TUBB3: variants seen among roughly 807,000 people sequenced by gnomAD.
The protein encoded by TUBB3 is tubulin beta-3 chain.
A neutral mutation model predicts 37.8 loss-of-function variants in TUBB3; 17 were observed. That is an observed-to-expected ratio of 0.45 (90% CI 0.31 to 0.67). The LOEUF (loss-of-function observed/expected upper bound fraction) is 0.67, where lower values mean the gene tolerates loss of function less well. TUBB3 is among the 30% of genes least tolerant of loss of function. The pLI is 0.07. For synonymous variants in TUBB3, 332 were observed against 278.9 expected (o/e 1.19, Z -1.90); for missense variants, 262 against 657.9 (o/e 0.40, Z 6.58).
chr16:89,924,621 G>A, intron 1 of TUBB3, among the ~76,000 whole-genome samples: 1 of 152,090 alleles, frequency 6.6e-6, no homozygotes, highest in East Asian at 1.9e-4. Flanking sequence ...TGGAAACCAG[G>A]CAGGAACAAA....
chr16:89,933,780 C>T (rs1408813341), intron 3 of TUBB3: 5 of 704,940 alleles, frequency 7.1e-6, no homozygotes, highest in Non-Finnish European at 5.2e-6. Flanking sequence ...ACCACTCATG[C>T]ATTTCAAGTG....
At chr16:89,932,709 A>G (rs1215153743) in intron 2 of TUBB3, 30 bp downstream of exon 2, 1 of 1,570,970 alleles carries the variant, frequency 6.4e-7, no homozygotes, top group African/African-American at 1.4e-5. Flanking sequence ...TCCCTATCCC[A>G]GCCCTGGACT....
chr16:89,923,385 C>A lies in TUBB3; in HGVS notation c.-17C>A. The A allele has an allele frequency of 2.7e-6, 4 of 1,469,844 alleles. No individual in the cohort carries two copies. The highest frequency in any genetic ancestry group is 3.6e-6 in the Non-Finnish European group (4 of 1,107,452). The allele number at this position is 1,469,844 out of a possible 1,614,324, so 91.1% of individuals were successfully genotyped here. ...CCGCCCGCGCCCGTCCGCAGCCGCC[C>A]GCCAGACGCGCCCAGTATGAGGGAG... is the stretch of plus-strand genomic sequence containing the variant. On this transcript the variant is annotated 5_prime_UTR_variant, in exon 1 of 4. Transcript: ENST00000315491.
chr16:89,935,916 G>T lies in TUBB3; in HGVS notation c.*112G>T. Reference sequence around the variant, plus strand: ...CACCCTGCTTTCCCCTCGCCCTAGGGCTCCCTTGCCGCCCTCCTGCAGTAT... The same window carrying T: ...CACCCTGCTTTCCCCTCGCCCTAGGTCTCCCTTGCCGCCCTCCTGCAGTAT... On this transcript the variant is annotated 3_prime_UTR_variant, in exon 4 of 4. Coordinates refer to ENST00000315491, the MANE Select transcript of TUBB3 (RefSeq NM_006086.4). 2.2e-6 allele frequency: 3 copies of T among 1,377,368 alleles called. No homozygotes were observed. The highest frequency in any genetic ancestry group is 2.5e-5 in the East Asian group (1 of 39,956). The allele number at this position is 1,377,368 out of a possible 1,614,324, so 85.3% of individuals were successfully genotyped here. A position where few individuals can be genotyped will look rare whatever the true frequency, so the allele number is the denominator to read the frequency against.
upstream of TUBB3, chr16:89,921,931 C>T (rs2029897536): frequency 6.6e-6 from 1 of 152,340 alleles, no homozygotes; most frequent in African/African-American, 2.4e-5. Context: ...CGGCACCAGA[C>T]CCCTCTGAGG....
At position 89,933,478 on chromosome 16, in the gene TUBB3, C is replaced by T. The variant is rs541594755; in HGVS notation, c.177C>T (p.Tyr59=). ...VYYNEASSHK[Y]VPRAILVDLE... ...CCTCTCTCCCCTCAGCTCACAAGTACGTGCCTCGAGCCATTCTGGTGGACC... is the reference window on the plus strand; with the variant it reads ...CCTCTCTCCCCTCAGCTCACAAGTATGTGCCTCGAGCCATTCTGGTGGACC... Residue 59 remains tyrosine, a synonymous_variant, in exon 3 of 4, where the codon TAC becomes TAT. Coordinates refer to ENST00000315491, the MANE Select transcript of TUBB3 (RefSeq NM_006086.4). 12 of 1,613,984 alleles carry T rather than the reference C, an allele frequency of 7.4e-6. No homozygotes were observed. The highest frequency in any genetic ancestry group is 1.6e-4 in the Middle Eastern group (1 of 6,062).
At position 89,935,384 on chromosome 16, in the gene TUBB3, G is replaced by A. The variant is rs530683749; in HGVS notation, c.933G>A (p.Leu311=). The part of the protein sequence containing the change: ...AACDPRHGRY[L]TVATVFRGRM... ...GCGACCCGCGCCACGGCCGCTACCT[G>A]ACGGTGGCCACCGTGTTCCGGGGCC... The change falls in exon 4 of 4, where the codon CTG becomes CTA. Residue 311 remains leucine, a synonymous_variant. Transcript: ENST00000315491. 2 of 1,614,116 alleles carry A rather than the reference G, an allele frequency of 1.2e-6. No individual in the cohort carries two copies. The highest frequency in any genetic ancestry group is 1.7e-6 in the Non-Finnish European group (2 of 1,180,034).
rs749208575 is a variant in TUBB3 at position 89,933,455 on chromosome 16, T to C, written c.167-13T>C. The C allele has an allele frequency of 6.8e-6, 11 of 1,608,004 alleles. No individual in the cohort carries two copies. Among genetic ancestry groups the C allele is most frequent in the South Asian group, 1.1e-5 (1 of 90,966 alleles). ...TCTGTGACCCGAATCACCGAGCCCC[T>C]CTCTCCCCTCAGCTCACAAGTACGT... On this transcript the variant is annotated splice_polypyrimidine_tract_variant and intron_variant, in intron 2 of 3. Coordinates refer to ENST00000315491, the MANE Select transcript of TUBB3 (RefSeq NM_006086.4).
At position 89,935,759 on chromosome 16, in the gene TUBB3, G is replaced by A. The variant is rs1427408399; in HGVS notation, c.1308G>A (p.Met436Ile). The change falls in exon 4 of 4, where the codon ATG (methionine) becomes ATA (isoleucine). Residue 436 changes from methionine to isoleucine, a missense_variant. By Grantham distance (10) the Met-to-Ile change is conservative (BLOSUM62 1). Coordinates refer to ENST00000315491, the MANE Select transcript of TUBB3 (RefSeq NM_006086.4). ...CCACGGCCGAGGAAGAGGGCGAGAT[G>A]TACGAAGACGACGAGGAGGAGTCGG... ...QDATAEEEGE[M>I]YEDDEEESEA... The A allele has an allele frequency of 6.2e-7, 1 of 1,613,930 alleles. No individual in the cohort carries two copies. The highest frequency in any genetic ancestry group is 1.7e-5 in the Admixed American group (1 of 60,018).
At chr16:89,924,726 TG>T (rs1387945821) in intron 1 of TUBB3, among the ~76,000 whole-genome samples, 1 of 151,718 alleles carries the variant, frequency 6.6e-6, no homozygotes, top group Non-Finnish European at 1.5e-5. Flanking sequence ...GGCCCAGTAG[TG>T]GGGAGACTCT....
intron 1 of TUBB3, among the ~76,000 whole-genome samples, chr16:89,930,317 C>T (rs1285655335): frequency 6.6e-6 from 1 of 151,742 alleles, no homozygotes; most frequent in African/African-American, 2.4e-5. Flanking sequence ...GTTGGCCAGG[C>T]TGGTCTCGAA....
intron 1 of TUBB3, among the ~76,000 whole-genome samples, chr16:89,930,037 TTCCTTC>T: frequency 6.7e-6 from 1 of 149,368 alleles, no homozygotes; most frequent in East Asian, 2.0e-4. Context: ...CCTTCCTTCC[TTCCTTC>T]CTTCCTTCCT....
At chr16:89,924,453 G>T (rs1044563462) in intron 1 of TUBB3, among the ~76,000 whole-genome samples, 17 of 113,440 alleles carry the variant, frequency 1.5e-4, no homozygotes, top group African/African-American at 1.6e-4. Flanking sequence ...ACAGTGTTGG[G>T]GAACAGGGGA....
At position 89,923,392 on chromosome 16, in the gene TUBB3, C is replaced by A. The variant is rs1375330986; in HGVS notation, c.-10C>A. On this transcript the variant is annotated 5_prime_UTR_variant, in exon 1 of 4. Transcript: ENST00000315491. ...CGCCCGTCCGCAGCCGCCCGCCAGA[C>A]GCGCCCAGTATGAGGGAGATCGTGC... The A allele has an allele frequency of 5.4e-6, 8 of 1,481,984 alleles. No homozygotes were observed. The highest frequency in any genetic ancestry group is 6.3e-6 in the Non-Finnish European group (7 of 1,113,874). 91.8% of individuals were successfully genotyped at this position (1,481,984 alleles called of 1,614,324 possible).
chr16:89,928,648 C>T (rs2030170429), intron 1 of TUBB3, among the ~76,000 whole-genome samples: 1 of 151,998 alleles, frequency 6.6e-6, no homozygotes. Context: ...AGTCAGCCTC[C>T]CAAGTAGCTG....
At chr16:89,925,459 G>T (rs2030041232) in intron 1 of TUBB3, among the ~76,000 whole-genome samples, 1 of 151,698 alleles carries the variant, frequency 6.6e-6, no homozygotes, top group African/African-American at 2.4e-5. Flanking sequence ...AGCCTGGCGT[G>T]GTGGGCCGCG....
chr16:89,930,093 ATTCCTTCC>A lies in TUBB3; in HGVS notation c.58-2459_58-2452del, dbSNP rs150813482. On this transcript the variant is annotated intron_variant, in intron 1 of 3. Coordinates refer to ENST00000315491, the MANE Select transcript of TUBB3 (RefSeq NM_006086.4). ...CTCTCTTTCCTTTCTTTCTTCCTTC[ATTCCTTCC>A]TTCCTTCCTTCCTTCCTTTCTTTCT... is the stretch of plus-strand genomic sequence containing the variant. Among the ~76,000 whole-genome samples, 15 of 122,128 alleles carry A rather than the reference ATTCCTTCC, an allele frequency of 1.2e-4. No individual in the cohort carries two copies. The South Asian group carries it at 1.3e-3, about 11-fold the overall frequency. The allele number at this position is 122,128 out of a possible 152,430, so 80.1% of individuals were successfully genotyped here. A position where few individuals can be genotyped will look rare whatever the true frequency, so the allele number is the denominator to read the frequency against.
At position 89,933,106 on chromosome 16, in the gene TUBB3, A is replaced by G. The variant is rs1313624306; in HGVS notation, c.167-362A>G. On this transcript the variant is annotated intron_variant, in intron 2 of 3. Transcript: ENST00000315491. The stretch of plus-strand genomic sequence containing the variant: ...GACATGTGATTTAAAATTTTATTTA[A>G]TTTAATAGAGACAGTCTCGATATGT... The G allele has an allele frequency of 9.8e-6, 5 of 512,130 alleles. No homozygotes were observed. The East Asian group carries it at 2.2e-4, about 22-fold the overall frequency. The allele number at this position is 512,130 out of a possible 1,614,324, so 31.7% of individuals were successfully genotyped here.
At position 89,927,923 on chromosome 16, in the gene TUBB3, G is replaced by C. The variant is rs561676760; in HGVS notation, c.57+4465G>C. Among the ~76,000 whole-genome samples the C allele has an allele frequency of 3.9e-5, 6 of 152,288 alleles. No individual in the cohort carries two copies. The South Asian group carries it at 1.2e-3, about 32-fold the overall frequency. On this transcript the variant is annotated intron_variant, in intron 1 of 3. Coordinates refer to ENST00000315491, the MANE Select transcript of TUBB3 (RefSeq NM_006086.4). ...GGGTTCCCTGGAACCATAAATTTGG[G>C]GTGTCCCAGTGCTTTGGGGAGCAAG...
Sources: allele counts gnomAD v4.1 joint callset (sites outside exome capture counted in the v4.1 genomes callset), GRCh38; gene constraint gnomAD v4.1.1; transcripts MANE v1.5; gene names NCBI Gene and HGNC (gene_info 2026-07-23, HGNC 2026-07-21).